The following HHIP variants were observed in gnomAD, a reference collection of about 807,000 sequenced individuals.
HHIP encodes hedgehog interacting protein.
HHIP carries 12 observed loss-of-function variants against 74.0 expected under a neutral mutation model. The observed-to-expected ratio is 0.16, with a 90% confidence interval of 0.10 to 0.26. HHIP has a LOEUF of 0.26. HHIP is among the 10% of genes least tolerant of loss of function. HHIP has a pLI of 1.00. For missense variants in HHIP, 788 were observed against 845.0 expected (o/e 0.93, Z 0.84); for synonymous variants, 309 against 311.6 (o/e 0.99, Z 0.09).
At chr4:144,706,116 A>G (rs1210855216) in intron 4 of HHIP, among the ~76,000 whole-genome samples, 1 of 152,208 alleles carries the variant, frequency 6.6e-6, no homozygotes, top group East Asian at 1.9e-4. Context: ...GGCAGCCCAC[A>G]CTGTGTTTTA....
chr4:144,662,406 T>C (rs899353148), intron 4 of HHIP, among the ~76,000 whole-genome samples: 7 of 152,294 alleles, frequency 4.6e-5, no homozygotes, highest in Non-Finnish European at 8.8e-5. Context: ...GCCTAAATTG[T>C]AGGAGATTGT....
chr4:144,656,333 G>A (rs1203062235), intron 2 of HHIP, among the ~76,000 whole-genome samples: 1 of 152,060 alleles, frequency 6.6e-6, no homozygotes, highest in Non-Finnish European at 1.5e-5. Flanking sequence ...TTAACATTCT[G>A]TATTTTTTCT....
At position 144,715,594 on chromosome 4, in the gene HHIP, A is replaced by G. The variant is rs548014125; in HGVS notation, c.1678+164A>G. 11 of 470,904 alleles carry G rather than the reference A, an allele frequency of 2.3e-5. No homozygotes were observed. In the East Asian group the frequency reaches 3.9e-4, roughly 17 times the overall value. 29.2% of individuals were successfully genotyped at this position (470,904 alleles called of 1,614,324 possible). ...AGAGATTAAGATAGTCCAGTTACAT[A>G]TTCTCTACCAGTAACTTTTCCCTGA... On this transcript the variant is annotated intron_variant, in intron 10 of 12. Transcript: ENST00000296575.
intron 4 of HHIP, among the ~76,000 whole-genome samples, chr4:144,694,267 G>A (rs935610564): frequency 1.3e-5 from 2 of 151,358 alleles, no homozygotes; most frequent in African/African-American, 4.8e-5. Context: ...TTCAAGAGAA[G>A]TCACATGGAG....
intron 4 of HHIP, among the ~76,000 whole-genome samples, chr4:144,691,285 C>A (rs930660020): frequency 6.6e-6 from 1 of 152,140 alleles, no homozygotes; most frequent in East Asian, 1.9e-4. Flanking sequence ...TAAGTATAAA[C>A]AAACTTCAAG....
In HHIP at chr4:144,737,926, A is replaced by G. The variant is rs1731163850; in HGVS notation, c.2072A>G (p.Tyr691Cys). 1 of 1,611,390 alleles carries G rather than the reference A, an allele frequency of 6.2e-7. No homozygotes were observed. Among genetic ancestry groups the G allele is most frequent in the Non-Finnish European group, 8.5e-7 (1 of 1,178,738 alleles). The change falls in exon 13 of 13, where the codon TAC becomes TGC. Residue 691 changes from tyrosine (Y) to cysteine (C), a missense_variant. Coordinates refer to ENST00000296575, the MANE Select transcript of HHIP (RefSeq NM_022475.3). ...ILDQIIDMTS[Y>C]LLDLTSYIV ...GATCAGATCATTGACATGACATCTT[A>G]CTTGCTGGATCTAACAAGTTACATT...
chr4:144,661,140 T>A (rs923321159), intron 4 of HHIP: 4 of 152,162 alleles, frequency 2.6e-5, no homozygotes. Flanking sequence ...GCCTTTTAAA[T>A]CAGGGTTCCT....
At chr4:144,718,612 TAGAC>T (rs926552177) in intron 10 of HHIP, among the ~76,000 whole-genome samples, 14 of 152,146 alleles carry the variant, frequency 9.2e-5, no homozygotes, top group African/African-American at 2.9e-4. Flanking sequence ...GGAGCTCAGT[TAGAC>T]AGCTGTTGCC....
intron 1 of HHIP, among the ~76,000 whole-genome samples, chr4:144,651,927 A>C (rs908682365): frequency 2.0e-5 from 3 of 152,084 alleles, no homozygotes; most frequent in African/African-American, 7.2e-5. Flanking sequence ...TTATTCATGC[A>C]TATAACATAC....
At chr4:144,719,048 C>A (rs999139642) in intron 11 of HHIP, 92 bp downstream of exon 11, 23 of 808,364 alleles carry the variant, frequency 2.8e-5, no homozygotes, top group Non-Finnish European at 3.8e-5. Flanking sequence ...TCACAATTAG[C>A]AATCAGCCAA....
intron 2 of HHIP, among the ~76,000 whole-genome samples, chr4:144,655,688 A>G (rs1728540423): frequency 6.6e-6 from 1 of 152,148 alleles, no homozygotes; most frequent in African/African-American, 2.4e-5. Context: ...AGATGGATAT[A>G]TCAAAATCCA....
At chr4:144,663,541 TG>T (rs746564804) in intron 4 of HHIP, among the ~76,000 whole-genome samples, 1 of 152,214 alleles carries the variant, frequency 6.6e-6, no homozygotes, top group Non-Finnish European at 1.5e-5. Flanking sequence ...GGATACCAGT[TG>T]TCATTTGCCC....
intron 11 of HHIP, among the ~76,000 whole-genome samples, chr4:144,730,130 A>C (rs1004545719): frequency 2.0e-5 from 3 of 152,150 alleles, no homozygotes; most frequent in Admixed American, 2.0e-4. Flanking sequence ...GAAAGTCATC[A>C]CCTCTAATGG....
chr4:144,689,493 C>T (rs1447967804), intron 4 of HHIP, among the ~76,000 whole-genome samples: 1 of 152,164 alleles, frequency 6.6e-6, no homozygotes, highest in Non-Finnish European at 1.5e-5. Context: ...ACCATGAGTT[C>T]TCTTTTACAT....
chr4:144,677,040 G>C (rs1199065428), intron 4 of HHIP, among the ~76,000 whole-genome samples: 1 of 152,194 alleles, frequency 6.6e-6, no homozygotes, highest in South Asian at 2.1e-4. Context: ...TGTTCAGCTA[G>C]GGACTCTGTG....
intron 12 of HHIP, 112 bp downstream of exon 12, chr4:144,735,001 T>A: frequency 9.6e-7 from 1 of 1,038,836 alleles, no homozygotes; most frequent in South Asian, 2.3e-5. Flanking sequence ...CAAAAGTATT[T>A]AGCCATTTAC....
In HHIP at chr4:144,742,157, A is replaced by G. The variant is rs920304258; in HGVS notation, c.*4200A>G. On this transcript the variant is annotated 3_prime_UTR_variant, in exon 13 of 13. Coordinates refer to ENST00000296575, the MANE Select transcript of HHIP (RefSeq NM_022475.3). ...TTTTCTATTGGTTTTGCCTAAATAG[A>G]CATGTTCTCAATACACCCATGTTGA... 3 of 152,150 alleles carry G rather than the reference A, an allele frequency of 2.0e-5. No homozygotes were observed. Among genetic ancestry groups the G allele is most frequent in the Non-Finnish European group, 2.9e-5 (2 of 68,044 alleles). 9.4% of individuals were successfully genotyped at this position (152,150 alleles called of 1,614,324 possible). A position where few individuals can be genotyped will look rare whatever the true frequency, so the allele number is the denominator to read the frequency against.
rs1728873283 is a variant in HHIP at position 144,666,678 on chromosome 4, GA to G, written c.831+6841del. Among the ~76,000 whole-genome samples the G allele has an allele frequency of 2.6e-5, 4 of 152,172 alleles. No homozygotes were observed. The South Asian group carries it at 8.3e-4, about 32-fold the overall frequency. ...TAATGAGTGGCACTGCATGAGAGGAGAGACTGCAGAGCATGTTAAGAAAACA... is the reference window on the plus strand; with the variant it reads ...TAATGAGTGGCACTGCATGAGAGGAGGACTGCAGAGCATGTTAAGAAAACA... On this transcript the variant is annotated intron_variant, in intron 4 of 12. Transcript: ENST00000296575.
At chr4:144,689,325 C>A (rs1729580636) in intron 4 of HHIP, among the ~76,000 whole-genome samples, 2 of 152,166 alleles carry the variant, frequency 1.3e-5, no homozygotes, top group African/African-American at 2.4e-5. Context: ...ATGAGAATGA[C>A]ATCATAATGA....
Sources: allele counts gnomAD v4.1 joint callset (sites outside exome capture counted in the v4.1 genomes callset), GRCh38; gene constraint gnomAD v4.1.1; transcripts MANE v1.5; gene names NCBI Gene and HGNC (gene_info 2026-07-23, HGNC 2026-07-21).